Variants in NAP1L1 observed in about 807,000 individuals in gnomAD.
The protein encoded by NAP1L1 is nucleosome assembly protein 1-like 1.
Under a neutral mutation model 58.9 loss-of-function variants are expected in NAP1L1, and 9 were observed. The ratio of observed to expected loss-of-function variants is 0.15; its 90% CI spans 0.09 to 0.27. NAP1L1 has a LOEUF of 0.27. Among genes scored for constraint, NAP1L1 ranks in the 10% least tolerant of loss-of-function variants. The pLI, the probability that NAP1L1 is intolerant of heterozygous loss-of-function variation, is 1.00. For missense variants in NAP1L1, 302 were observed against 458.8 expected (o/e 0.66, Z 3.12); for synonymous variants, 130 against 138.3 (o/e 0.94, Z 0.42).
chr12:76,063,631 C>G (rs1178918525), intron 4 of NAP1L1, among the ~76,000 whole-genome samples: 1 of 152,004 alleles, frequency 6.6e-6, no homozygotes, highest in Non-Finnish European at 1.5e-5. Context: ...AACCCCATCT[C>G]TACAAAAATA....
At chr12:76,064,602 A>C (rs550804954) in intron 4 of NAP1L1, among the ~76,000 whole-genome samples, 1 of 152,306 alleles carries the variant, frequency 6.6e-6, no homozygotes, top group Admixed American at 6.5e-5. Context: ...AACCAAAAGC[A>C]AAATTAATAT....
intron 1 of NAP1L1, among the ~76,000 whole-genome samples, chr12:76,079,010 C>T (rs1565750933): frequency 6.6e-6 from 1 of 151,896 alleles, no homozygotes; most frequent in African/African-American, 2.4e-5. Flanking sequence ...CACACACACA[C>T]ACATATATTT....
At chr12:76,069,779 G>T (rs1355202271) in intron 2 of NAP1L1, among the ~76,000 whole-genome samples, 1 of 151,578 alleles carries the variant, frequency 6.6e-6, no homozygotes, top group Admixed American at 6.6e-5. Flanking sequence ...ACCATTCAAA[G>T]AGAAGGTTAA....
chr12:76,057,327 C>G (rs1949156888), intron 6 of NAP1L1: 1 of 335,488 alleles, frequency 3.0e-6, no homozygotes, highest in South Asian at 2.9e-5. Flanking sequence ...GAAATAATGA[C>G]TTTTTGAGTA....
chr12:76,053,610 G>C (rs12817146), intron 9 of NAP1L1, among the ~76,000 whole-genome samples, 160 bp downstream of exon 9: 26,802 of 152,138 alleles, frequency 0.18, 2,490 homozygotes, highest in South Asian at 0.31. Flanking sequence ...TGGGTCCAAG[G>C]AGAATTACAG....
rs1458360776 is a variant in NAP1L1, at chr12:76,041,809, G to GT, written c.*6619dup. On this transcript the variant is annotated 3_prime_UTR_variant, in exon 15 of 15. Transcript: ENST00000618691. ...AGACACCCATGTCACATCCACACCA[G>GT]TGTCAAGGCTCCAGGTAAATGTTGG... is the stretch of plus-strand genomic sequence containing the variant. 2 of 152,200 alleles carry GT rather than the reference G, an allele frequency of 1.3e-5. No individual in the cohort carries two copies. The highest frequency in any genetic ancestry group is 4.8e-5 in the African/African-American group (2 of 41,452). The allele number at this position is 152,200 out of a possible 1,614,324, so 9.4% of individuals were successfully genotyped here.
chr12:76,057,566 G>T, intron 6 of NAP1L1: 1 of 906,946 alleles, frequency 1.1e-6, no homozygotes, highest in Non-Finnish European at 1.8e-6. Context: ...GATTCCAATA[G>T]GGCTGACTGC....
intron 3 of NAP1L1, among the ~76,000 whole-genome samples, chr12:76,067,987 G>T (rs1592673918): frequency 6.6e-6 from 1 of 152,176 alleles, no homozygotes; most frequent in Non-Finnish European, 1.5e-5. Flanking sequence ...GACAGTCAAA[G>T]ACTGTAACTA....
intron 6 of NAP1L1, 54 bp from the exon 7 acceptor site, chr12:76,056,215 A>C: frequency 1.9e-6 from 3 of 1,551,470 alleles, no homozygotes; most frequent in Non-Finnish European, 2.6e-6. Context: ...CCTCATGATA[A>C]AGTAGCAAAG....
intron 2 of NAP1L1, among the ~76,000 whole-genome samples, chr12:76,069,780 A>G (rs975950814): frequency 1.3e-5 from 2 of 152,146 alleles, no homozygotes; most frequent in South Asian, 4.1e-4. Context: ...CCATTCAAAG[A>G]GAAGGTTAAA....
Position 76,049,575 on chromosome 12 carries a change from CAATT to C in NAP1L1, c.1089+177_1089+180del, listed in dbSNP as rs757912528. 4 of 1,527,874 alleles carry C rather than the reference CAATT, an allele frequency of 2.6e-6. No individual in the cohort carries two copies. In the South Asian group the frequency reaches 4.8e-5, roughly 18 times the overall value. 94.6% of individuals were successfully genotyped at this position (1,527,874 alleles called of 1,614,324 possible). The stretch of plus-strand genomic sequence containing the variant: ...AATAAAAAAATGTTGCTGAGTTTTG[CAATT>C]TATTTATTGAAACCTTATACATACA... On this transcript the variant is annotated intron_variant, in intron 13 of 14. Coordinates refer to ENST00000618691, the MANE Select transcript of NAP1L1 (RefSeq NM_004537.7).
At position 76,044,926 on chromosome 12, in the gene NAP1L1, G is replaced by GT. The variant is rs1161143850; in HGVS notation, c.*3502dup. 2 of 152,098 alleles carry GT rather than the reference G, an allele frequency of 1.3e-5. No homozygotes were observed. The highest frequency in any genetic ancestry group is 2.9e-5 in the Non-Finnish European group (2 of 68,006). 9.4% of individuals were successfully genotyped at this position (152,098 alleles called of 1,614,324 possible). ...TCCAGGTTATATTTTAATATCTGGA[G>GT]TTTTAATCCAGCATACAAAAATCAC... On this transcript the variant is annotated 3_prime_UTR_variant, in exon 15 of 15. Coordinates refer to ENST00000618691, the MANE Select transcript of NAP1L1 (RefSeq NM_004537.7).
At chr12:76,074,492 G>A (rs939891450) in intron 1 of NAP1L1, 3 of 293,740 alleles carry the variant, frequency 1.0e-5, no homozygotes, top group African/African-American at 2.3e-5. Context: ...AGAATCTGTT[G>A]TATAAAGACT....
chr12:76,074,823 T>G (rs1950110018), intron 1 of NAP1L1, among the ~76,000 whole-genome samples: 1 of 152,178 alleles, frequency 6.6e-6, no homozygotes, highest in Non-Finnish European at 1.5e-5. Context: ...GGTCCCAATC[T>G]TAATGTTAGG....
chr12:76,065,612 C>CAA (rs1298581228), intron 4 of NAP1L1, among the ~76,000 whole-genome samples: 2 of 150,942 alleles, frequency 1.3e-5, no homozygotes, highest in African/African-American at 4.9e-5. Context: ...TTCACAACAG[C>CAA]CACACAAAAT....
rs921458966 is a variant in NAP1L1 at position 76,044,795 on chromosome 12, G to A, written c.*3634C>T. ...ATATACATCAATCAAAATTTCTTAT[G>A]AATACTTATCCTTGAGTAAAATAAT... is the stretch of plus-strand genomic sequence containing the variant. On this transcript the variant is annotated 3_prime_UTR_variant, in exon 15 of 15. Coordinates refer to ENST00000618691, the MANE Select transcript of NAP1L1 (RefSeq NM_004537.7). 3.9e-5 allele frequency: 6 copies of A among 152,130 alleles called. No homozygotes were observed. Among genetic ancestry groups the A allele is most frequent in the African/African-American group, 1.4e-4 (6 of 41,430 alleles). 9.4% of individuals were successfully genotyped at this position (152,130 alleles called of 1,614,324 possible). A position where few individuals can be genotyped will look rare whatever the true frequency, so the allele number is the denominator to read the frequency against.
intron 13 of NAP1L1, 149 bp downstream of exon 13, chr12:76,049,607 G>T (rs985365762): frequency 6.6e-7 from 1 of 1,507,764 alleles, no homozygotes; most frequent in Middle Eastern, 1.8e-4. Context: ...TACATACATT[G>T]TTTGGCTGTA....
Position 76,038,512 on chromosome 12 carries a change from G to A in NAP1L1, c.*9917C>T, listed in dbSNP as rs921873859. 1 of 152,120 alleles carries A rather than the reference G, an allele frequency of 6.6e-6. No individual in the cohort carries two copies. The highest frequency in any genetic ancestry group is 1.5e-5 in the Non-Finnish European group (1 of 68,028). 9.4% of individuals were successfully genotyped at this position (152,120 alleles called of 1,614,324 possible). ...CAAATACCTTTCTTAGGTGATAGAG[G>A]ACATATAGCAGTGAGTGTAGACAAT... On this transcript the variant is annotated 3_prime_UTR_variant, in exon 15 of 15. Coordinates refer to ENST00000618691, the MANE Select transcript of NAP1L1 (RefSeq NM_004537.7).
At chr12:76,065,354 G>A (rs1949613076) in intron 4 of NAP1L1, among the ~76,000 whole-genome samples, 1 of 151,884 alleles carries the variant, frequency 6.6e-6, no homozygotes, top group African/African-American at 2.4e-5. Flanking sequence ...GAATACTAAT[G>A]TTTAACACAG....
Sources: gnomAD v4.1 joint callset for allele counts (sites outside exome capture counted in the v4.1 genomes callset) on GRCh38, gnomAD v4.1.1 for gene constraint, MANE v1.5 for transcripts, NCBI Gene and HGNC (gene_info 2026-07-23, HGNC 2026-07-21) for gene names.